ZNF609: variants seen among roughly 807,000 people sequenced by gnomAD.
ZNF609 encodes zinc finger protein 609.
ZNF609 carries 11 observed loss-of-function variants against 109.5 expected under a neutral mutation model. The ratio of observed to expected loss-of-function variants is 0.10; its 90% CI spans 0.06 to 0.17. ZNF609 has a LOEUF of 0.17. Among genes scored for constraint, ZNF609 ranks in the 10% least tolerant of loss-of-function variants. The probability of loss-of-function intolerance (pLI) is 1.00; values close to 1 mark genes in which losing one functional copy is unlikely to be tolerated. For synonymous variants in ZNF609, 646 were observed against 662.0 expected (o/e 0.98, Z 0.37); for missense variants, 1,559 against 1,772.4 (o/e 0.88, Z 2.16).
rs1440356386 is a variant in ZNF609, at chr15:64,469,057, C to CAA, written c.-128+8220_-128+8221dup. On this transcript the variant is annotated intron_variant, in intron 1 of 9. Coordinates refer to ENST00000326648, the MANE Select transcript of ZNF609 (RefSeq NM_015042.2). Reference sequence around the variant, plus strand: ...ATCTTAAAAAAAAAAAAAAAAAAAACAACACAATTCAGCCTGGCCAACATG... The same window carrying CAA: ...ATCTTAAAAAAAAAAAAAAAAAAAACAAAACACAATTCAGCCTGGCCAACATG... Among the ~76,000 whole-genome samples, 11 of 119,890 alleles carry CAA rather than the reference C, an allele frequency of 9.2e-5. 2 individuals carry two copies. The highest frequency in any genetic ancestry group is 7.9e-4 in the South Asian group (3 of 3,820). 78.7% of individuals were successfully genotyped at this position (119,890 alleles called of 152,430 possible).
intron 3 of ZNF609, among the ~76,000 whole-genome samples, chr15:64,666,590 C>T (rs965383472): frequency 6.6e-6 from 1 of 151,922 alleles, no homozygotes; most frequent in Non-Finnish European, 1.5e-5. Context: ...TGCAACACCT[C>T]CTTGAACACC....
chr15:64,525,474 A>G (rs1893956610), intron 2 of ZNF609, among the ~76,000 whole-genome samples: 1 of 152,146 alleles, frequency 6.6e-6, no homozygotes, highest in African/African-American at 2.4e-5. Flanking sequence ...AATCTTGATT[A>G]CTCATCTTTG....
chr15:64,638,476 A>C (rs1896210167), intron 3 of ZNF609, among the ~76,000 whole-genome samples: 1 of 152,100 alleles, frequency 6.6e-6, no homozygotes, highest in Non-Finnish European at 1.5e-5. Context: ...CTACAGATCA[A>C]TTTGGAGAAG....
rs749938059 is a variant in ZNF609 at position 64,675,364 on chromosome 15, C to T, written c.2510C>T (p.Ser837Leu). 6.2e-7 allele frequency: 1 copy of T among 1,614,006 alleles called. No homozygotes were observed. ...ACCCAGAATGGAGCTGAAGCCAGCT[C>T]AGTCAAAACCAACAGCCCTGCATAC... ...VVTQNGAEAS[S>L]VKTNSPAYSD... The change falls in exon 5 of 10, where the codon TCA (serine) becomes TTA (leucine). Residue 837 changes from serine (S) to leucine (L), a missense_variant. Coordinates refer to ENST00000326648, the MANE Select transcript of ZNF609 (RefSeq NM_015042.2).
At chr15:64,624,180 C>G (rs1895919072) in intron 3 of ZNF609, among the ~76,000 whole-genome samples, 1 of 152,192 alleles carries the variant, frequency 6.6e-6, no homozygotes, top group Non-Finnish European at 1.5e-5. Flanking sequence ...TGTAATACAT[C>G]TTCAGCTTTC....
chr15:64,573,773 T>C (rs1894902798), intron 2 of ZNF609, among the ~76,000 whole-genome samples: 1 of 152,160 alleles, frequency 6.6e-6, no homozygotes, highest in South Asian at 2.1e-4. Flanking sequence ...TACCATGTTC[T>C]TTCAAACTCT....
chr15:64,603,984 T>A (rs1595735327), intron 2 of ZNF609, among the ~76,000 whole-genome samples: 1 of 113,410 alleles, frequency 8.8e-6, no homozygotes. Flanking sequence ...GGAGACAGAG[T>A]GAGACTCCGT....
At chr15:64,550,051 A>C (rs1352910736) in intron 2 of ZNF609, among the ~76,000 whole-genome samples, 1 of 152,052 alleles carries the variant, frequency 6.6e-6, no homozygotes, top group East Asian at 1.9e-4. Context: ...TACTTCCCTC[A>C]ATGGATCCTC....
At chr15:64,506,679 T>C (rs1198651543) in intron 2 of ZNF609, among the ~76,000 whole-genome samples, 1 of 151,040 alleles carries the variant, frequency 6.6e-6, no homozygotes, top group East Asian at 2.0e-4. Context: ...GAGATTGTGC[T>C]GTTGCACTCC....
At chr15:64,628,831 G>A (rs766063001) in intron 3 of ZNF609, among the ~76,000 whole-genome samples, 7 of 152,028 alleles carry the variant, frequency 4.6e-5, no homozygotes, top group Middle Eastern at 3.4e-3. Flanking sequence ...TTCCATTTCG[G>A]TCAGGCTGGT....
chr15:64,629,552 T>G (rs1896031555), intron 3 of ZNF609, among the ~76,000 whole-genome samples: 1 of 152,136 alleles, frequency 6.6e-6, no homozygotes, highest in Non-Finnish European at 1.5e-5. Context: ...CTTTCCAGTC[T>G]TGAAAGAAAA....
chr15:64,501,968 A>G (rs1351705138), intron 2 of ZNF609: 3 of 152,204 alleles, frequency 2.0e-5, no homozygotes, highest in Non-Finnish European at 4.4e-5. Flanking sequence ...ATTGGGCTGA[A>G]AGATGCAGTA....
rs935730134 is a variant in ZNF609, at chr15:64,655,703, GCCTGTAATC to G, written c.974-14640_974-14632del. ...AAATTAGCTGGGCATGGTGGCAGGT[GCCTGTAATC>G]CCAGCTACATGGGAGGCTAAGGCAG... On this transcript the variant is annotated intron_variant, in intron 3 of 9. Coordinates refer to ENST00000326648, the MANE Select transcript of ZNF609 (RefSeq NM_015042.2). 2.9e-4 allele frequency among the ~76,000 whole-genome samples: 44 copies of G among 152,182 alleles called. No homozygotes were observed. The South Asian group carries it at 6.8e-3, about 24-fold the overall frequency.
intron 2 of ZNF609, among the ~76,000 whole-genome samples, chr15:64,574,699 C>T (rs1173606347): frequency 6.6e-6 from 1 of 152,146 alleles, no homozygotes; most frequent in Non-Finnish European, 1.5e-5. Flanking sequence ...CACATGATTG[C>T]TCAAGTCCCT....
intron 2 of ZNF609, among the ~76,000 whole-genome samples, chr15:64,581,518 G>A (rs1474590534): frequency 6.6e-6 from 1 of 152,052 alleles, no homozygotes; most frequent in Non-Finnish European, 1.5e-5. Context: ...TTTATGCTGG[G>A]TAAGCTCTGA....
At chr15:64,498,462 GA>G (rs1893514152) in intron 1 of ZNF609, among the ~76,000 whole-genome samples, 1 of 152,238 alleles carries the variant, frequency 6.6e-6, no homozygotes, top group Non-Finnish European at 1.5e-5. Flanking sequence ...TATTACATGA[GA>G]AAGTGAAGAG....
At chr15:64,645,956 A>T (rs1896328314) in intron 3 of ZNF609, among the ~76,000 whole-genome samples, 1 of 152,232 alleles carries the variant, frequency 6.6e-6, no homozygotes, top group Non-Finnish European at 1.5e-5. Flanking sequence ...AGTACAAGCC[A>T]TTGTGGAAAA....
In ZNF609 at chr15:64,674,848, C is replaced by T. The variant is rs370988343; in HGVS notation, c.1994C>T (p.Pro665Leu). ...CGTCCCATTGCCCCTGCCATCCCCC[C>T]ACAGCAAATCTACACCTTCCAGACA... is the stretch of plus-strand genomic sequence containing the variant. ...SARPIAPAIP[P>L]QQIYTFQTAT... is the part of the protein sequence containing the mutation. Residue 665 changes from proline (P) to leucine (L), a missense_variant, in exon 5 of 10, where the codon CCA (proline) becomes CTA (leucine). Physicochemically the swap from Pro to Leu is moderately conservative, Grantham distance 98. Around this residue, in one of 4 missense-constraint regions of ZNF609, gnomAD observed 1,204 missense variants for 1,314.1 expected, o/e 0.92. Transcript: ENST00000326648. The T allele has an allele frequency of 3.1e-6, 5 of 1,614,042 alleles. No individual in the cohort carries two copies. Among genetic ancestry groups the T allele is most frequent in the Middle Eastern group, 3.3e-4 (2 of 6,084 alleles).
At chr15:64,523,222 T>A (rs1275916221) in intron 2 of ZNF609, among the ~76,000 whole-genome samples, 1 of 152,232 alleles carries the variant, frequency 6.6e-6, no homozygotes, top group Non-Finnish European at 1.5e-5. Flanking sequence ...TTTTAATTTA[T>A]ATTCTCCAAA....
Sources: allele counts gnomAD v4.1 joint callset (sites outside exome capture counted in the v4.1 genomes callset), GRCh38; gene constraint gnomAD v4.1.1; regional missense constraint gnomAD v4.1.1; transcripts MANE v1.5; gene names NCBI Gene and HGNC (gene_info 2026-07-23, HGNC 2026-07-21).